UCHL3: variants seen among roughly 807,000 people sequenced by gnomAD.
UCHL3 encodes ubiquitin carboxyl-terminal hydrolase isozyme L3.
UCHL3 carries 22 observed loss-of-function variants against 35.8 expected under a neutral mutation model. The observed-to-expected ratio is 0.61, with a 90% CI of 0.44 to 0.88. The LOEUF (loss-of-function observed/expected upper bound fraction) is 0.88, where lower values mean the gene tolerates loss of function less well. Ranked by LOEUF, UCHL3 falls within the 40% of genes least tolerant of loss-of-function variation. The pLI, the probability that UCHL3 is intolerant of heterozygous loss-of-function variation, is 0.00. For missense variants in UCHL3, 229 were observed against 276.9 expected, an observed-to-expected ratio of 0.83 and a Z score of 1.23; for synonymous variants, 90 against 92.8, an observed-to-expected ratio of 0.97 and a Z score of 0.17.
intron 6 of UCHL3, among the ~76,000 whole-genome samples, chr13:75,577,581 T>C (rs1479788735): frequency 6.6e-6 from 1 of 152,194 alleles, no homozygotes; most frequent in Non-Finnish European, 1.5e-5. Flanking sequence ...TGAATAACTG[T>C]AGAATAGTAA....
At chr13:75,553,907 C>T (rs1363226112) in intron 2 of UCHL3, among the ~76,000 whole-genome samples, 1 of 152,158 alleles carries the variant, frequency 6.6e-6, no homozygotes. Flanking sequence ...TGAGTTGATG[C>T]CGTTGATTCT....
chr13:75,595,730 C>T (rs2032630296), intron 7 of UCHL3, among the ~76,000 whole-genome samples: 1 of 146,000 alleles, frequency 6.8e-6, no homozygotes, highest in African/African-American at 2.5e-5. Context: ...TTGTTTTCTT[C>T]AGGCATATGT....
At chr13:75,565,288 C>T (rs1467951334) in intron 3 of UCHL3, among the ~76,000 whole-genome samples, 1 of 152,174 alleles carries the variant, frequency 6.6e-6, no homozygotes, top group East Asian at 1.9e-4. Context: ...AAGACCTTAA[C>T]ATACTGAACC....
intron 5 of UCHL3, among the ~76,000 whole-genome samples, chr13:75,567,812 T>G (rs1350518422): frequency 6.6e-6 from 1 of 152,122 alleles, no homozygotes; most frequent in Non-Finnish European, 1.5e-5. Flanking sequence ...CCTCCCAAAG[T>G]GCTGGGATTA....
chr13:75,576,668 T>C (rs1489875084), intron 6 of UCHL3, among the ~76,000 whole-genome samples: 1 of 152,220 alleles, frequency 6.6e-6, no homozygotes, highest in Non-Finnish European at 1.5e-5. Context: ...ATTTTATTTC[T>C]TTAAAGTGGG....
chr13:75,587,017 C>CAAAAA (rs3036429), intron 6 of UCHL3, among the ~76,000 whole-genome samples: 6 of 98,900 alleles, frequency 6.1e-5, no homozygotes, highest in Non-Finnish European at 9.8e-5. Flanking sequence ...CTTAAGGTAG[C>CAAAAA]AAAAAAAAAA....
intron 7 of UCHL3, among the ~76,000 whole-genome samples, chr13:75,598,274 A>T (rs1338723502): frequency 6.6e-6 from 1 of 152,196 alleles, no homozygotes; most frequent in East Asian, 1.9e-4. Context: ...TGAAGACATG[A>T]TGCCCCATTA....
At chr13:75,566,487 C>G (rs1340189676) in intron 3 of UCHL3, among the ~76,000 whole-genome samples, 2 of 152,180 alleles carry the variant, frequency 1.3e-5, no homozygotes, top group Admixed American at 1.3e-4. Context: ...TAGGAGAATG[C>G]CTTTTTCCCC....
intron 6 of UCHL3, among the ~76,000 whole-genome samples, chr13:75,574,115 G>A (rs2031949131): frequency 6.6e-6 from 1 of 152,092 alleles, no homozygotes; most frequent in South Asian, 2.1e-4. Flanking sequence ...CTACTCGGGA[G>A]GCTGAGGCAG....
chr13:75,598,547 G>A (rs1391899231), intron 7 of UCHL3, among the ~76,000 whole-genome samples: 2 of 152,128 alleles, frequency 1.3e-5, no homozygotes, highest in South Asian at 2.1e-4. Context: ...TTTCATGACT[G>A]TAACATTTAT....
At chr13:75,589,018 A>C (rs185415327) in intron 6 of UCHL3, among the ~76,000 whole-genome samples, 2 of 152,308 alleles carry the variant, frequency 1.3e-5, no homozygotes, top group African/African-American at 4.8e-5. Flanking sequence ...AGGTGTTCCC[A>C]AAATACCTAA....
At chr13:75,567,166 C>T in intron 4 of UCHL3, 61 bp from the exon 5 acceptor site, 2 of 1,438,978 alleles carry the variant, frequency 1.4e-6, no homozygotes, top group Non-Finnish European at 1.9e-6. Context: ...CTAGTATTTT[C>T]ATATATTGGT....
Position 75,572,734 on chromosome 13 carries a change from C to T in UCHL3, c.474+3227C>T, listed in dbSNP as rs116934398. On this transcript the variant is annotated intron_variant, in intron 6 of 8. Transcript: ENST00000377595. ...GTCCCCCGAGTAAACAAAACATATC[C>T]ATTAGCCATTGTTTCCAAATAGGAC... Among the ~76,000 whole-genome samples the T allele has an allele frequency of 5.3e-5, 8 of 152,256 alleles. No homozygotes were observed. The East Asian group carries it at 9.7e-4, about 18-fold the overall frequency.
intron 6 of UCHL3, among the ~76,000 whole-genome samples, chr13:75,578,816 G>A (rs2032099884): frequency 6.6e-6 from 1 of 151,998 alleles, no homozygotes; most frequent in African/African-American, 2.4e-5. Context: ...CTGATTTCAA[G>A]TATGTCATCA....
intron 2 of UCHL3, among the ~76,000 whole-genome samples, chr13:75,555,471 A>G (rs1165271385): frequency 1.3e-5 from 2 of 152,220 alleles, no homozygotes; most frequent in Non-Finnish European, 2.9e-5. Context: ...ACAAATATGT[A>G]GTTGTCAGAT....
At chr13:75,591,884 CT>C (rs2032486707) in intron 6 of UCHL3, among the ~76,000 whole-genome samples, 1 of 151,994 alleles carries the variant, frequency 6.6e-6, no homozygotes, top group Admixed American at 6.6e-5. Flanking sequence ...TTAGACTTAC[CT>C]GGTTGAGTAT....
intron 6 of UCHL3, among the ~76,000 whole-genome samples, chr13:75,574,170 A>G (rs1239985456): frequency 1.3e-5 from 2 of 151,928 alleles, no homozygotes; most frequent in Non-Finnish European, 2.9e-5. Flanking sequence ...GTGAGCCGAG[A>G]TTGTGCCACT....
chr13:75,587,535 A>G (rs934030019), intron 6 of UCHL3, among the ~76,000 whole-genome samples: 1 of 152,162 alleles, frequency 6.6e-6, no homozygotes, highest in Non-Finnish European at 1.5e-5. Flanking sequence ...TTAAAGGGCC[A>G]TGATATATGT....
In UCHL3 at chr13:75,576,611, C is replaced by T. The variant is rs541108489; in HGVS notation, c.474+7104C>T. ...CCTCGTGATCCACCCGCCTCAGCCT[C>T]CCAAAGTGTTGAGATTACAGTCATG... On this transcript the variant is annotated intron_variant, in intron 6 of 8. Transcript: ENST00000377595. Among the ~76,000 whole-genome samples, 48 of 152,324 alleles carry T rather than the reference C, an allele frequency of 3.2e-4. No individual in the cohort carries two copies. The South Asian group carries it at 3.9e-3, about 12-fold the overall frequency.
Sources: gnomAD v4.1 joint callset for allele counts (sites outside exome capture counted in the v4.1 genomes callset) on GRCh38, gnomAD v4.1.1 for gene constraint, MANE v1.5 for transcripts, NCBI Gene and HGNC (gene_info 2026-07-23, HGNC 2026-07-21) for gene names.